TRAK1: variants seen among roughly 807,000 people sequenced by gnomAD.
TRAK1 encodes trafficking kinesin-binding protein 1.
TRAK1 carries 33 observed loss-of-function variants against 92.1 expected under a neutral mutation model. The observed-to-expected ratio is 0.36, with a 90% confidence interval of 0.27 to 0.48. The LOEUF is 0.48. TRAK1 is among the 20% of genes least tolerant of loss of function. The pLI, the probability that TRAK1 is intolerant of heterozygous loss-of-function variation, is 0.99. For synonymous variants in TRAK1, 521 were observed against 517.3 expected (o/e 1.01, Z -0.10); for missense variants, 1,123 against 1,257.9 (o/e 0.89, Z 1.62).
chr3:42,042,141 G>A (rs1009976662), intron 1 of TRAK1, among the ~76,000 whole-genome samples: 1 of 152,098 alleles, frequency 6.6e-6, no homozygotes, highest in African/African-American at 2.4e-5. Flanking sequence ...TGGCCAGGCT[G>A]GTCTCAAACT....
chr3:42,125,509 A>C lies in TRAK1; in HGVS notation c.181A>C (p.Ile61Leu). ...CCATTATAAGTTAAGAGCCGACACCATCTACGGTTATGACCACGACGACTG... is the reference window on the plus strand; with the variant it reads ...CCATTATAAGTTAAGAGCCGACACCCTCTACGGTTATGACCACGACGACTG... ...LPHYKLRADT[I>L]YGYDHDDWLH... The change falls in exon 2 of 16, where the codon ATC becomes CTC. Residue 61 changes from isoleucine (I) to leucine (L), a missense_variant. Physicochemically the swap from Ile to Leu is conservative, Grantham distance 5. Coordinates refer to ENST00000327628, the MANE Select transcript of TRAK1 (RefSeq NM_001042646.3). 6.2e-7 allele frequency: 1 copy of C among 1,614,230 alleles called. No individual in the cohort carries two copies. The highest frequency in any genetic ancestry group is 8.5e-7 in the Non-Finnish European group (1 of 1,180,040).
chr3:42,092,783 A>G (rs548735222), intron 1 of TRAK1, among the ~76,000 whole-genome samples: 1 of 112,198 alleles, frequency 8.9e-6, no homozygotes, highest in African/African-American at 3.4e-5. Context: ...TTCGTGACTC[A>G]CTGTATTGCC....
intron 14 of TRAK1, among the ~76,000 whole-genome samples, chr3:42,214,998 G>T (rs142032733): frequency 4.6e-5 from 7 of 152,124 alleles, no homozygotes; most frequent in African/African-American, 1.7e-4. Context: ...TTGATTCCCC[G>T]ACTCCTCACC....
intron 7 of TRAK1, 85 bp from the exon 8 acceptor site, chr3:42,192,990 T>C (rs1706038286): frequency 1.3e-6 from 2 of 1,555,152 alleles, no homozygotes; most frequent in South Asian, 1.2e-5. Context: ...GTTTTTCTTG[T>C]GCAAACCACA....
At chr3:42,086,023 A>AC (rs1159828981), upstream of TRAK1, among the ~76,000 whole-genome samples, 7 of 152,276 alleles carry the variant, frequency 4.6e-5, no homozygotes, top group East Asian at 7.7e-4. Context: ...ACACTTTGAG[A>AC]TCTCTTGTGC....
At chr3:42,163,736 C>T (rs949971699) in intron 2 of TRAK1, among the ~76,000 whole-genome samples, 9 of 152,062 alleles carry the variant, frequency 5.9e-5, no homozygotes, top group Non-Finnish European at 1.0e-4. Flanking sequence ...GTGTATCTGC[C>T]TTATAATCGG....
chr3:42,034,449 C>T (rs1702256067), intron 1 of TRAK1, among the ~76,000 whole-genome samples: 2 of 152,170 alleles, frequency 1.3e-5, no homozygotes, highest in African/African-American at 4.8e-5. Flanking sequence ...TGCGCCACTA[C>T]ACCTGGCTAA....
intron 1 of TRAK1, among the ~76,000 whole-genome samples, chr3:42,044,414 G>T (rs939825641): frequency 6.6e-6 from 1 of 152,184 alleles, no homozygotes; most frequent in Non-Finnish European, 1.5e-5. Context: ...CACTTGCCTC[G>T]GTCTCCCAAA....
chr3:42,124,269 A>C (rs1249019801), intron 1 of TRAK1, among the ~76,000 whole-genome samples: 1 of 152,204 alleles, frequency 6.6e-6, no homozygotes, highest in African/African-American at 2.4e-5. Flanking sequence ...CACCACAGGC[A>C]CTTGGTTTAT....
intron 2 of TRAK1, among the ~76,000 whole-genome samples, chr3:42,153,343 G>C (rs1700158522): frequency 6.6e-6 from 1 of 151,992 alleles, no homozygotes; most frequent in Non-Finnish European, 1.5e-5. Flanking sequence ...GGTGAGGGAA[G>C]CTATAATTAT....
chr3:42,066,774 T>C (rs1325487578), intron 1 of TRAK1, among the ~76,000 whole-genome samples: 4 of 152,192 alleles, frequency 2.6e-5, no homozygotes, highest in Non-Finnish European at 5.9e-5. Flanking sequence ...TGTCACTGTT[T>C]ATTCACTTGG....
chr3:42,027,290 G>T (rs1701956462), intron 1 of TRAK1, among the ~76,000 whole-genome samples: 2 of 152,118 alleles, frequency 1.3e-5, no homozygotes, highest in South Asian at 2.1e-4. Context: ...TTGGGAGGCC[G>T]AGACGGGCGG....
intron 1 of TRAK1, among the ~76,000 whole-genome samples, chr3:42,044,009 C>A (rs1702661831): frequency 6.6e-6 from 1 of 152,180 alleles, no homozygotes; most frequent in African/African-American, 2.4e-5. Flanking sequence ...TGCTGGTGGG[C>A]CCTGGGCCTG....
At chr3:42,219,409 C>A (rs993545487) in intron 14 of TRAK1, 85 bp from the exon 15 acceptor site, 12 of 1,607,142 alleles carry the variant, frequency 7.5e-6, no homozygotes, top group Non-Finnish European at 1.0e-5. Context: ...TCACTTCTTG[C>A]ATCTGTTGAG....
At chr3:42,085,843 CCA>C (rs745726422), upstream of TRAK1, among the ~76,000 whole-genome samples, 1 of 152,096 alleles carries the variant, frequency 6.6e-6, no homozygotes, top group Non-Finnish European at 1.5e-5. Context: ...AGATGTAAAA[CCA>C]CACGGATATG....
intron 10 of TRAK1, among the ~76,000 whole-genome samples, chr3:42,195,646 C>A (rs980059718): frequency 1.3e-5 from 2 of 152,026 alleles, no homozygotes; most frequent in South Asian, 4.1e-4. Flanking sequence ...ATCGTGATTT[C>A]TTTTCTTCTT....
chr3:42,170,621 T>C (rs1702418194), intron 2 of TRAK1, among the ~76,000 whole-genome samples: 1 of 152,208 alleles, frequency 6.6e-6, no homozygotes, highest in South Asian at 2.1e-4. Context: ...TTGCAGTTTT[T>C]ATAATGAAAA....
At chr3:42,025,407 G>C (rs1701875486) in intron 1 of TRAK1, among the ~76,000 whole-genome samples, 1 of 151,916 alleles carries the variant, frequency 6.6e-6, no homozygotes, top group Non-Finnish European at 1.5e-5. Flanking sequence ...GTATTTTAAG[G>C]GCTTTATCCA....
At chr3:42,178,834 G>C (rs1703580426) in intron 3 of TRAK1, among the ~76,000 whole-genome samples, 1 of 152,036 alleles carries the variant, frequency 6.6e-6, no homozygotes, top group Non-Finnish European at 1.5e-5. Flanking sequence ...AATTAGCCAG[G>C]TATGGTGGCC....
Sources: gnomAD v4.1 joint callset for allele counts (sites outside exome capture counted in the v4.1 genomes callset) on GRCh38, gnomAD v4.1.1 for gene constraint, MANE v1.5 for transcripts, NCBI Gene and HGNC (gene_info 2026-07-23, HGNC 2026-07-21) for gene names.